NKAIN3: variants seen among roughly 807,000 people sequenced by gnomAD.
NKAIN3 encodes sodium/potassium-transporting ATPase subunit beta-1-interacting protein 3.
A neutral mutation model predicts 30.2 loss-of-function variants in NKAIN3; 25 were observed. The observed-to-expected ratio is 0.83, with a 90% CI of 0.60 to 1.16. The LOEUF (loss-of-function observed/expected upper bound fraction) is 1.16. Among genes scored for constraint, NKAIN3 ranks in the 50% most tolerant of loss-of-function variants. NKAIN3 has a pLI of 0.00. For missense variants in NKAIN3, 225 were observed against 254.1 expected, an observed-to-expected ratio of 0.89 and a Z score of 0.78; for synonymous variants, 91 against 89.6, an observed-to-expected ratio of 1.02 and a Z score of -0.09.
chr8:62,437,497 T>C (rs755077851), intron 1 of NKAIN3, among the ~76,000 whole-genome samples: 11 of 152,232 alleles, frequency 7.2e-5, no homozygotes, highest in Non-Finnish European at 1.5e-4. Context: ...GACTGAAGAC[T>C]GGTCAGTGCT....
chr8:62,959,873 A>G (rs1017821582), intron 6 of NKAIN3, among the ~76,000 whole-genome samples: 2 of 152,204 alleles, frequency 1.3e-5, no homozygotes, highest in Non-Finnish European at 2.9e-5. Flanking sequence ...TAAAGCACTC[A>G]GCACCTTCTT....
At chr8:62,389,041 G>T (rs981319978) in intron 1 of NKAIN3, among the ~76,000 whole-genome samples, 1 of 152,160 alleles carries the variant, frequency 6.6e-6, no homozygotes, top group Non-Finnish European at 1.5e-5. Context: ...TTTTCTGTGG[G>T]TAGAGAAACT....
At chr8:62,554,222 T>C (rs1447833712) in intron 1 of NKAIN3, among the ~76,000 whole-genome samples, 1 of 152,214 alleles carries the variant, frequency 6.6e-6, no homozygotes, top group African/African-American at 2.4e-5. Context: ...TAAAAACAAC[T>C]GTAAACATCA....
At chr8:62,675,449 G>T (rs955487901) in intron 3 of NKAIN3, among the ~76,000 whole-genome samples, 1 of 152,146 alleles carries the variant, frequency 6.6e-6, no homozygotes, top group African/African-American at 2.4e-5. Context: ...TCTGACTAAA[G>T]CTTGAGAAAT....
At chr8:62,664,364 T>G (rs1813033768) in intron 3 of NKAIN3, among the ~76,000 whole-genome samples, 1 of 152,136 alleles carries the variant, frequency 6.6e-6, no homozygotes, top group African/African-American at 2.4e-5. Context: ...GAATTTCCTG[T>G]GATTCCATTT....
intron 3 of NKAIN3, among the ~76,000 whole-genome samples, chr8:62,745,709 G>T (rs1816046881): frequency 6.7e-6 from 1 of 149,076 alleles, no homozygotes; most frequent in African/African-American, 2.6e-5. Flanking sequence ...AGTGTATTTT[G>T]ATATACATAA....
At chr8:62,271,751 A>C (rs568903949) in intron 1 of NKAIN3, among the ~76,000 whole-genome samples, 1 of 152,298 alleles carries the variant, frequency 6.6e-6, no homozygotes, top group African/African-American at 2.4e-5. Context: ...TTTGTCAGTG[A>C]AGAGAGAATT....
At chr8:62,813,971 G>A (rs533335989) in intron 4 of NKAIN3, among the ~76,000 whole-genome samples, 21 of 152,076 alleles carry the variant, frequency 1.4e-4, no homozygotes, top group Non-Finnish European at 2.6e-4. Context: ...ATCTCATTCT[G>A]TCCAGGTCTG....
chr8:62,633,656 G>C (rs1198647994), intron 3 of NKAIN3, among the ~76,000 whole-genome samples: 3 of 152,108 alleles, frequency 2.0e-5, no homozygotes, highest in Admixed American at 2.0e-4. Context: ...TGGGAACAAA[G>C]CTGCCAAAAG....
chr8:62,271,671 T>G (rs1364106942), intron 1 of NKAIN3, among the ~76,000 whole-genome samples: 2 of 152,184 alleles, frequency 1.3e-5, no homozygotes, highest in Non-Finnish European at 2.9e-5. Context: ...GTGATAGCAC[T>G]AGAGAGGATT....
At chr8:62,928,335 CCT>C (rs1269269771) in intron 5 of NKAIN3, among the ~76,000 whole-genome samples, 1 of 151,922 alleles carries the variant, frequency 6.6e-6, no homozygotes, top group Non-Finnish European at 1.5e-5. Flanking sequence ...TCTCTCTCTC[CCT>C]CTCTCTCTTT....
intron 3 of NKAIN3, among the ~76,000 whole-genome samples, chr8:62,607,682 A>AT (rs930873275): frequency 7.3e-5 from 11 of 151,698 alleles, no homozygotes; most frequent in African/African-American, 2.4e-4. Context: ...AGTAACAATC[A>AT]TTTTTTTTCA....
chr8:62,300,231 G>A (rs1200343055), intron 1 of NKAIN3, among the ~76,000 whole-genome samples: 2 of 152,040 alleles, frequency 1.3e-5, no homozygotes, highest in African/African-American at 4.8e-5. Flanking sequence ...GAAAAAATAT[G>A]TTCACAATCA....
At chr8:62,785,088 A>T (rs754562417) in intron 4 of NKAIN3, among the ~76,000 whole-genome samples, 10 of 152,184 alleles carry the variant, frequency 6.6e-5, no homozygotes, top group Non-Finnish European at 1.5e-4. Flanking sequence ...CTTCTGTGTA[A>T]ACCAGCAATT....
At chr8:62,807,608 A>T (rs1218569947) in intron 4 of NKAIN3, among the ~76,000 whole-genome samples, 1 of 142,922 alleles carries the variant, frequency 7.0e-6, no homozygotes, top group Non-Finnish European at 1.5e-5. Context: ...GCTGGAGTGC[A>T]GTGGCTCGAT....
intron 1 of NKAIN3, among the ~76,000 whole-genome samples, chr8:62,276,219 C>A (rs1812952859): frequency 6.6e-6 from 1 of 152,094 alleles, no homozygotes; most frequent in South Asian, 2.1e-4. Context: ...GCCTGTGTCA[C>A]CACACCCAGC....
chr8:62,289,547 G>A (rs1311016631), intron 1 of NKAIN3, among the ~76,000 whole-genome samples: 2 of 152,098 alleles, frequency 1.3e-5, no homozygotes, highest in East Asian at 3.9e-4. Context: ...AAGATCAAAT[G>A]GGTGCAGATG....
intron 1 of NKAIN3, among the ~76,000 whole-genome samples, chr8:62,326,693 A>G (rs1004570333): frequency 2.3e-4 from 35 of 152,016 alleles, no homozygotes; most frequent in Admixed American, 2.0e-4. Context: ...CTGGCACATT[A>G]TTCATACTGT....
intron 1 of NKAIN3, among the ~76,000 whole-genome samples, chr8:62,395,286 G>T (rs1262533064): frequency 6.7e-6 from 1 of 149,848 alleles, no homozygotes; most frequent in African/African-American, 2.5e-5. Context: ...GCGCGGGGCC[G>T]GGCGGAGGCC....
Sources: gnomAD v4.1 joint callset for allele counts (sites outside exome capture counted in the v4.1 genomes callset) on GRCh38, gnomAD v4.1.1 for gene constraint, MANE v1.5 for transcripts, NCBI Gene and HGNC (gene_info 2026-07-23, HGNC 2026-07-21) for gene names.